The following VPS35L variants were observed in gnomAD, a reference collection of about 807,000 sequenced individuals.
VPS35L encodes VPS35 endosomal protein-sorting factor-like.
Under a neutral mutation model 133.0 loss-of-function variants are expected in VPS35L, and 83 were observed. The observed-to-expected ratio is 0.62, with a 90% CI of 0.52 to 0.75. The LOEUF (loss-of-function observed/expected upper bound fraction) is 0.75. Ranked by LOEUF, VPS35L falls within the 30% of genes least tolerant of loss-of-function variation. The probability of loss-of-function intolerance (pLI) is 0.00; values close to 1 mark genes in which losing one functional copy is unlikely to be tolerated. For synonymous variants in VPS35L, 423 were observed against 449.9 expected (o/e 0.94, Z 0.76); for missense variants, 1,083 against 1,206.8 (o/e 0.90, Z 1.52).
At chr16:19,556,406 A>T (rs1970858003) in intron 1 of VPS35L, among the ~76,000 whole-genome samples, 1 of 152,206 alleles carries the variant, frequency 6.6e-6, no homozygotes, top group Admixed American at 6.5e-5. Context: ...GGAGTCCACC[A>T]TAGGGAGGGC....
Position 19,633,806 on chromosome 16 carries a change from T to C in VPS35L, c.1635+634T>C, listed in dbSNP as rs1256597572. On this transcript the variant is annotated intron_variant, in intron 19 of 30. Coordinates refer to ENST00000417362, the MANE Select transcript of VPS35L (RefSeq NM_020314.7). The surrounding 1 kb of genome is among the most constrained non-coding windows in gnomAD (Gnocchi z 4.1). ...AGGCTGGAGTGCAGTGGTGCGATCTTGGCTCATTGCAACCTCCACCTTCAA... is the reference window on the plus strand; with the variant it reads ...AGGCTGGAGTGCAGTGGTGCGATCTCGGCTCATTGCAACCTCCACCTTCAA... 6.6e-6 allele frequency among the ~76,000 whole-genome samples: 1 copy of C among 152,174 alleles called. No homozygotes were observed. Among genetic ancestry groups the C allele is most frequent in the Non-Finnish European group, 1.5e-5 (1 of 68,016 alleles).
At position 19,699,755 on chromosome 16, in the gene VPS35L, T is replaced by A. The variant is rs878968042; in HGVS notation, c.2793+107T>A. The A allele has an allele frequency of 4.2e-5, 60 of 1,436,042 alleles. 1 individual carries two copies. The South Asian group carries it at 7.3e-4, about 17-fold the overall frequency. 89.0% of individuals were successfully genotyped at this position (1,436,042 alleles called of 1,614,324 possible). A position where few individuals can be genotyped will look rare whatever the true frequency, so the allele number is the denominator to read the frequency against. ...TCAGACAGACAACCCCATACTCCCC[T>A]TTTAGAAAAGCACTTGGTCCATTTC... On this transcript the variant is annotated intron_variant, in intron 30 of 30. Coordinates refer to ENST00000417362, the MANE Select transcript of VPS35L (RefSeq NM_020314.7). This position sits in a 1 kb window ranked among gnomAD's most constrained non-coding sequence, Gnocchi z 4.2.
intron 3 of VPS35L, among the ~76,000 whole-genome samples, chr16:19,572,917 C>T (rs959254508): frequency 9.9e-5 from 15 of 152,100 alleles, no homozygotes; most frequent in Non-Finnish European, 2.9e-5. Flanking sequence ...TTAAGTGATC[C>T]GTCCACCTTG....
rs1292807568 is a variant in VPS35L at position 19,627,781 on chromosome 16, G to A, written c.1359G>A (p.Glu453=). The A allele has an allele frequency of 1.2e-6, 2 of 1,613,218 alleles. No homozygotes were observed. Among genetic ancestry groups the A allele is most frequent in the Non-Finnish European group, 1.7e-6 (2 of 1,179,258 alleles). ...RSMDFIGMIK[E]CDESGFPKHL... is the part of the protein sequence containing the mutation. ...TGGATTTCATTGGCATGATTAAAGA[G>A]TGTGATGAATCTGGTTTCCCCAAGG... Residue 453 remains glutamate (E), a synonymous_variant, in exon 16 of 31, where the codon GAG becomes GAA. Transcript: ENST00000417362.
chr16:19,570,889 A>ATTTT (rs1489865417), intron 3 of VPS35L, among the ~76,000 whole-genome samples: 15 of 91,838 alleles, frequency 1.6e-4, no homozygotes, highest in Admixed American at 3.7e-4. Flanking sequence ...ATATATATAT[A>ATTTT]TTTTTGAGAT....
At chr16:19,576,777 G>A (rs1026035311) in intron 5 of VPS35L, among the ~76,000 whole-genome samples, 1 of 151,772 alleles carries the variant, frequency 6.6e-6, no homozygotes, top group African/African-American at 2.4e-5. Flanking sequence ...GTCACCCATG[G>A]TGCAGTGCAA....
chr16:19,672,647 A>AG (rs1229949620), intron 27 of VPS35L, among the ~76,000 whole-genome samples: 1 of 152,160 alleles, frequency 6.6e-6, no homozygotes, highest in Non-Finnish European at 1.5e-5. Context: ...GTTGTCCTGC[A>AG]GGGAGGATAG....
chr16:19,640,341 A>G (rs1199610844), intron 21 of VPS35L, among the ~76,000 whole-genome samples: 3 of 152,212 alleles, frequency 2.0e-5, no homozygotes, highest in African/African-American at 7.2e-5. Flanking sequence ...CTGGAAGGAA[A>G]GCCACATTAA....
chr16:19,668,712 A>G (rs184580975), intron 26 of VPS35L, among the ~76,000 whole-genome samples: 4 of 152,132 alleles, frequency 2.6e-5, no homozygotes, highest in Non-Finnish European at 4.4e-5. Flanking sequence ...CTGCAGCTCT[A>G]CTACCAACAC....
intron 26 of VPS35L, among the ~76,000 whole-genome samples, chr16:19,659,336 CAG>C (rs1294974231): frequency 6.6e-6 from 1 of 152,042 alleles, no homozygotes; most frequent in Non-Finnish European, 1.5e-5. Context: ...CTTGACAGTT[CAG>C]AGAGTAGAGG....
chr16:19,642,277 G>T, intron 21 of VPS35L, 119 bp from the exon 22 acceptor site: 1 of 783,122 alleles, frequency 1.3e-6, no homozygotes, highest in Non-Finnish European at 2.0e-6. Context: ...TGGGCTGGGT[G>T]AAATGCCAGC....
chr16:19,694,971 A>C (rs1373508586), intron 29 of VPS35L, among the ~76,000 whole-genome samples: 2 of 149,732 alleles, frequency 1.3e-5, no homozygotes, highest in Non-Finnish European at 1.5e-5. Context: ...ACGCCACTGC[A>C]CTCCAGCCTG....
intron 18 of VPS35L, among the ~76,000 whole-genome samples, chr16:19,631,291 A>T (rs1296404333): frequency 6.6e-6 from 1 of 152,174 alleles, no homozygotes; most frequent in Non-Finnish European, 1.5e-5. Context: ...ATGAATTTTC[A>T]CAAGGTATGA....
Position 19,610,432 on chromosome 16 carries a change from A to G in VPS35L, c.1023+17A>G. 6.2e-7 allele frequency: 1 copy of G among 1,603,190 alleles called. No homozygotes were observed. The highest frequency in any genetic ancestry group is 8.5e-7 in the Non-Finnish European group (1 of 1,171,570). On this transcript the variant is annotated intron_variant, in intron 12 of 30. Transcript: ENST00000417362. ...CTGTGCCGGGTAGGCCATGCGAGTC[A>G]CTGCCCTTGACGGCACGGCTGCCAC...
At chr16:19,570,279 T>C (rs1243439572) in intron 3 of VPS35L, among the ~76,000 whole-genome samples, 1 of 152,166 alleles carries the variant, frequency 6.6e-6, no homozygotes. Context: ...ACCAGGCTGG[T>C]CTTGAACTCT....
chr16:19,624,041 C>A (rs1401378466), intron 14 of VPS35L, among the ~76,000 whole-genome samples: 1 of 149,804 alleles, frequency 6.7e-6, no homozygotes. Context: ...TAAGGTCAAG[C>A]CATCTGTCCC....
rs369819458 is a variant in VPS35L, at chr16:19,610,430, T to C, written c.1023+15T>C. On this transcript the variant is annotated intron_variant, in intron 12 of 30. Transcript: ENST00000417362. ...ACCTGTGCCGGGTAGGCCATGCGAG[T>C]CACTGCCCTTGACGGCACGGCTGCC... 117 of 1,607,620 alleles carry C rather than the reference T, an allele frequency of 7.3e-5. No homozygotes were observed. In the African/African-American group the frequency reaches 1.2e-3, roughly 16 times the overall value.
At chr16:19,606,786 T>G (rs1972549141) in intron 9 of VPS35L, among the ~76,000 whole-genome samples, 1 of 152,190 alleles carries the variant, frequency 6.6e-6, no homozygotes, top group Non-Finnish European at 1.5e-5. Context: ...AGAGAATAAA[T>G]AAATAAGGTC....
At chr16:19,686,856 C>T (rs1975478761) in intron 28 of VPS35L, among the ~76,000 whole-genome samples, 3 of 152,110 alleles carry the variant, frequency 2.0e-5, no homozygotes, top group African/African-American at 4.8e-5. Flanking sequence ...TCACTGATTC[C>T]AGAATCCTGT....
Sources: gnomAD v4.1 joint callset for allele counts (sites outside exome capture counted in the v4.1 genomes callset) on GRCh38, gnomAD v4.1.1 for gene constraint, Gnocchi (gnomAD v3.1) non-coding constraint, MANE v1.5 for transcripts, NCBI Gene and HGNC (gene_info 2026-07-23, HGNC 2026-07-21) for gene names.